Variants in NEMP2 observed in about 807,000 individuals in gnomAD.
NEMP2 encodes nuclear envelope integral membrane protein 2, also known as UPF0571 transmembrane protein.
A neutral mutation model predicts 54.2 loss-of-function variants in NEMP2; 53 were observed. The observed-to-expected ratio is 0.98, with a 90% CI of 0.78 to 1.23. NEMP2 has a LOEUF of 1.23. NEMP2 is among the 50% of genes most tolerant of loss of function. The pLI is 0.00. For synonymous variants in NEMP2, 197 were observed against 190.3 expected (o/e 1.04, Z -0.29); for missense variants, 455 against 511.3 (o/e 0.89, Z 1.06).
chr2:190,636,250 G>A, the NEMP2 span, among the ~76,000 whole-genome samples: 2 of 152,122 alleles, frequency 1.3e-5, no homozygotes, highest in Non-Finnish European at 2.9e-5. Context: ...ATCATCTTAT[G>A]GCATTTCCTT....
chr2:190,596,286 A>C, the NEMP2 span, among the ~76,000 whole-genome samples: 1 of 152,156 alleles, frequency 6.6e-6, no homozygotes, highest in East Asian at 1.9e-4. The surrounding 1 kb of genome is among the most constrained non-coding windows in gnomAD (Gnocchi z 5.1). Context: ...CATTAGGAGA[A>C]ATACCTAATG....
At position 190,519,176 on chromosome 2, in the gene NEMP2, A is replaced by G. The variant is rs780609640; in HGVS notation, c.221T>C (p.Ile74Thr). The change falls in exon 3 of 9, where the codon ATT becomes ACT. Residue 74 changes from isoleucine (I) to threonine (T), a missense_variant. By Grantham distance (89) the Ile-to-Thr change is moderately conservative. This residue lies in a region of NEMP2 where 61 missense variants were observed against 97.5 expected (regional missense o/e 0.63). Transcript: ENST00000409150. The surrounding 1 kb of genome is among the most constrained non-coding windows in gnomAD (Gnocchi z 5.4). The stretch of plus-strand genomic sequence containing the variant: ...AATTCTGAACAGGCCTGGACTGGTA[A>G]TTTTCACCTGTAAAACAAGAACAAG... ...KYIWSTMQVK[I>T]TSPGLFRIVY... 1.0e-5 allele frequency: 16 copies of G among 1,541,368 alleles called. No individual in the cohort carries two copies. The highest frequency in any genetic ancestry group is 1.4e-5 in the African/African-American group (1 of 72,810).
At chr2:190,492,122 A>G in the NEMP2 span, among the ~76,000 whole-genome samples, 4 of 152,208 alleles carry the variant, frequency 2.6e-5, no homozygotes, top group African/African-American at 7.2e-5. The surrounding 1 kb of genome is among the most constrained non-coding windows in gnomAD (Gnocchi z 5.2). Flanking sequence ...AAAGAATTTT[A>G]AAAAATGAAC....
At chr2:190,550,710 C>T in the NEMP2 span, among the ~76,000 whole-genome samples, 2 of 152,144 alleles carry the variant, frequency 1.3e-5, no homozygotes, top group Admixed American at 6.5e-5. This position sits in a 1 kb window ranked among gnomAD's most constrained non-coding sequence, Gnocchi z 4.7. Context: ...GTTATGCTCT[C>T]TCTTAACTCA....
chr2:190,577,257 A>ATT, the NEMP2 span, among the ~76,000 whole-genome samples: 1 of 152,174 alleles, frequency 6.6e-6, no homozygotes. The surrounding 1 kb of genome is among the most constrained non-coding windows in gnomAD (Gnocchi z 4.8). Context: ...TTTTTTTAAC[A>ATT]TTAAAAGAAA....
chr2:190,571,335 G>C, the NEMP2 span, among the ~76,000 whole-genome samples: 1 of 152,160 alleles, frequency 6.6e-6, no homozygotes, highest in African/African-American at 2.4e-5. Flanking sequence ...CTGAGGTCAG[G>C]AGTTTGAGAC....
the NEMP2 span, among the ~76,000 whole-genome samples, chr2:190,431,758 A>AT: frequency 3.3e-5 from 5 of 152,230 alleles, no homozygotes; most frequent in East Asian, 3.9e-4. The surrounding 1 kb of genome is among the most constrained non-coding windows in gnomAD (Gnocchi z 4.4). Flanking sequence ...GAGCATGAGC[A>AT]TCTTGTTCTT....
the NEMP2 span, among the ~76,000 whole-genome samples, chr2:190,424,275 A>G: frequency 6.7e-6 from 1 of 149,762 alleles, no homozygotes; most frequent in Non-Finnish European, 1.5e-5. The surrounding 1 kb of genome is among the most constrained non-coding windows in gnomAD (Gnocchi z 5.9). Flanking sequence ...TTCAAATTGT[A>G]TAGTTAATGA....
chr2:190,576,380 C>T, the NEMP2 span, among the ~76,000 whole-genome samples: 4 of 152,106 alleles, frequency 2.6e-5, no homozygotes, highest in African/African-American at 4.8e-5. Flanking sequence ...TGGTTGGAAA[C>T]AATGATTTCT....
the NEMP2 span, chr2:190,433,254 C>T: frequency 6.6e-6 from 1 of 151,148 alleles, no homozygotes; most frequent in East Asian, 1.9e-4. The surrounding 1 kb of genome is among the most constrained non-coding windows in gnomAD (Gnocchi z 4.5). Context: ...AGAAATGTTT[C>T]TTTGAATTTT....
chr2:190,533,776 A>G lies in NEMP2; in HGVS notation c.97+783T>C, dbSNP rs1296020869. 7.0e-6 allele frequency among the ~76,000 whole-genome samples: 1 copy of G among 143,490 alleles called. No individual in the cohort carries two copies. Among genetic ancestry groups the G allele is most frequent in the African/African-American group, 2.9e-5 (1 of 34,720 alleles). The allele number at this position is 143,490 out of a possible 152,430, so 94.1% of individuals were successfully genotyped here. On this transcript the variant is annotated intron_variant, in intron 1 of 8. Transcript: ENST00000409150. The surrounding 1 kb of genome is among the most constrained non-coding windows in gnomAD (Gnocchi z 4.3). ...TCTTTTAAAAGATTTTATGAGGGGA[A>G]AAAAAAAAAGAAACAGAAATGTGAA...
the NEMP2 span, among the ~76,000 whole-genome samples, chr2:190,483,651 A>G: frequency 6.6e-6 from 1 of 152,080 alleles, no homozygotes; most frequent in Non-Finnish European, 1.5e-5. Context: ...CCTGGCCAAC[A>G]TGGTGAAACC....
chr2:190,497,524 A>C, the NEMP2 span: 1 of 1,614,236 alleles, frequency 6.2e-7, no homozygotes, highest in Non-Finnish European at 8.5e-7. The surrounding 1 kb of genome is among the most constrained non-coding windows in gnomAD (Gnocchi z 5.2). Flanking sequence ...AACAGACAGA[A>C]GATGTCATGC....
chr2:190,428,607 A>G, the NEMP2 span, among the ~76,000 whole-genome samples: 4 of 152,200 alleles, frequency 2.6e-5, no homozygotes, highest in Non-Finnish European at 5.9e-5. Flanking sequence ...TACAATGTGC[A>G]TCTCCTTTGA....
the NEMP2 span, among the ~76,000 whole-genome samples, chr2:190,637,068 G>A: frequency 6.6e-6 from 1 of 152,178 alleles, no homozygotes; most frequent in Non-Finnish European, 1.5e-5. This position sits in a 1 kb window ranked among gnomAD's most constrained non-coding sequence, Gnocchi z 4.5. Context: ...GCCAGCCCAG[G>A]CCTACTTAAT....
At chr2:190,624,371 T>C in the NEMP2 span, among the ~76,000 whole-genome samples, 1 of 152,178 alleles carries the variant, frequency 6.6e-6, no homozygotes, top group African/African-American at 2.4e-5. Context: ...ATAGTCACTA[T>C]AAAACAGTAT....
At chr2:190,430,574 G>C in the NEMP2 span, among the ~76,000 whole-genome samples, 2 of 152,048 alleles carry the variant, frequency 1.3e-5, no homozygotes, top group Non-Finnish European at 2.9e-5. Flanking sequence ...TCTTAGTACA[G>C]AACAAAATGA....
At chr2:190,434,459 C>T in the NEMP2 span, among the ~76,000 whole-genome samples, 1 of 151,860 alleles carries the variant, frequency 6.6e-6, no homozygotes, top group Non-Finnish European at 1.5e-5. This position sits in a 1 kb window ranked among gnomAD's most constrained non-coding sequence, Gnocchi z 4.3. Context: ...TTTTTTGAGA[C>T]GGAGTCTCGC....
At position 190,534,549 on chromosome 2, in the gene NEMP2, C is replaced by G. The variant is rs547284198; in HGVS notation, c.97+10G>C. 25 of 1,396,236 alleles carry G rather than the reference C, an allele frequency of 1.8e-5. No homozygotes were observed. The highest frequency in any genetic ancestry group is 6.4e-5 in the Admixed American group (2 of 31,146). 86.5% of individuals were successfully genotyped at this position (1,396,236 alleles called of 1,614,324 possible). Reference sequence around the variant, plus strand: ...GCACGCGCGCGCCGCCGCCGCCGGTCCCGGGTTACCTGATAACGCTGCCGC... The same window carrying G: ...GCACGCGCGCGCCGCCGCCGCCGGTGCCGGGTTACCTGATAACGCTGCCGC... On this transcript the variant is annotated intron_variant, in intron 1 of 8. Transcript: ENST00000409150.
Sources: gnomAD v4.1 joint callset for allele counts (sites outside exome capture counted in the v4.1 genomes callset) on GRCh38, gnomAD v4.1.1 for gene constraint, gnomAD v4.1.1 regional missense constraint, Gnocchi (gnomAD v3.1) non-coding constraint, MANE v1.5 for transcripts, NCBI Gene and HGNC (gene_info 2026-07-23, HGNC 2026-07-21) for gene names.